SGMS1: variants seen among roughly 807,000 people sequenced by gnomAD.
The protein encoded by SGMS1 is phosphatidylcholine:ceramide cholinephosphotransferase 1.
A neutral mutation model predicts 46.2 loss-of-function variants in SGMS1; 13 were observed. The ratio of observed to expected loss-of-function variants is 0.28; its 90% CI spans 0.18 to 0.45. The LOEUF is 0.45. Among genes scored for constraint, SGMS1 ranks in the 20% least tolerant of loss-of-function variants. The pLI is 1.00. For missense variants in SGMS1, 324 were observed against 519.9 expected (o/e 0.62, Z 3.66); for synonymous variants, 203 against 187.8 (o/e 1.08, Z -0.66).
intron 3 of SGMS1, among the ~76,000 whole-genome samples, chr10:50,516,702 G>A (rs1482850094): frequency 1.3e-5 from 2 of 152,156 alleles, no homozygotes; most frequent in African/African-American, 4.8e-5. Context: ...GTAATAAATT[G>A]ATAAAGAGTA....
At chr10:50,375,926 G>A (rs1019230036) in intron 6 of SGMS1, among the ~76,000 whole-genome samples, 15 of 152,240 alleles carry the variant, frequency 9.9e-5, no homozygotes, top group African/African-American at 3.4e-4. Context: ...CAAACTCCTG[G>A]ATTCAAGCAA....
In SGMS1 at chr10:50,346,220, T is replaced by C. The variant is rs565188532; in HGVS notation, c.-231-1875A>G. ...GTCGATATTTAACTAAGAAATCATA[T>C]GTGAAAGTTCATGAAACATAACCTA... is the stretch of plus-strand genomic sequence containing the variant. On this transcript the variant is annotated intron_variant, in intron 6 of 10. Transcript: ENST00000361781. Among the ~76,000 whole-genome samples, 73 of 152,336 alleles carry C rather than the reference T, an allele frequency of 4.8e-4. 1 individual carries two copies. The highest frequency in any genetic ancestry group is 6.8e-3 in the Middle Eastern group (2 of 294).
chr10:50,607,981 C>T (rs1211147266), intron 1 of SGMS1, among the ~76,000 whole-genome samples: 1 of 152,164 alleles, frequency 6.6e-6, no homozygotes, highest in Non-Finnish European at 1.5e-5. Context: ...CAACATCCAC[C>T]CAGTATCACA....
At position 50,516,992 on chromosome 10, in the gene SGMS1, G is replaced by A. The variant is rs552246566; in HGVS notation, c.-498+2839C>T. Among the ~76,000 whole-genome samples the A allele has an allele frequency of 1.3e-4, 20 of 152,254 alleles. No homozygotes were observed. The South Asian group carries it at 2.3e-3, about 17-fold the overall frequency. On this transcript the variant is annotated intron_variant, in intron 3 of 10. Coordinates refer to ENST00000361781, the MANE Select transcript of SGMS1 (RefSeq NM_147156.4). ...GGTAACTATGAATACCAGCAATGGGGTGGGGCAACTAGACATCCAAGTTTC... is the reference window on the plus strand; with the variant it reads ...GGTAACTATGAATACCAGCAATGGGATGGGGCAACTAGACATCCAAGTTTC...
At chr10:50,512,492 C>T (rs1017148611) in intron 3 of SGMS1, among the ~76,000 whole-genome samples, 1 of 152,118 alleles carries the variant, frequency 6.6e-6, no homozygotes, top group African/African-American at 2.4e-5. Context: ...AGATCAAGGA[C>T]GTCAACTCAC....
intron 7 of SGMS1, chr10:50,342,416 C>G (rs1361334449): frequency 2.6e-5 from 4 of 152,158 alleles, no homozygotes; most frequent in African/African-American, 9.7e-5. Flanking sequence ...TTTCTTTATA[C>G]CAGTTAAGAC....
At chr10:50,591,961 T>C (rs1838545715) in intron 1 of SGMS1, among the ~76,000 whole-genome samples, 1 of 152,180 alleles carries the variant, frequency 6.6e-6, no homozygotes, top group Non-Finnish European at 1.5e-5. Flanking sequence ...AGAAAGCCAG[T>C]CTGGAACCCC....
chr10:50,449,242 G>C (rs7893281), intron 5 of SGMS1, among the ~76,000 whole-genome samples: 45,208 of 152,030 alleles, frequency 0.3, 7,318 homozygotes, highest in East Asian at 0.63. Context: ...ACCTGCCTAT[G>C]TATTATTTTT....
At chr10:50,341,529 AT>A in intron 7 of SGMS1, 1 of 439,304 alleles carries the variant, frequency 2.3e-6, no homozygotes, top group Non-Finnish European at 4.6e-6. Flanking sequence ...TAATTGGCCC[AT>A]CCAATTATGT....
Position 50,609,067 on chromosome 10 carries a change from C to T in SGMS1, c.-684+14640G>A, listed in dbSNP as rs527853613. ...AGGTGCAACCTCTGCTCACTGAAGC[C>T]TCAACCTCCCAGGCTCAAGCGATCC... On this transcript the variant is annotated intron_variant, in intron 1 of 10. Coordinates refer to ENST00000361781, the MANE Select transcript of SGMS1 (RefSeq NM_147156.4). Among the ~76,000 whole-genome samples, 3 of 152,232 alleles carry T rather than the reference C, an allele frequency of 2.0e-5. No individual in the cohort carries two copies. In the East Asian group the frequency reaches 5.8e-4, roughly 29 times the overall value.
chr10:50,577,545 T>C (rs1838396313), intron 2 of SGMS1, among the ~76,000 whole-genome samples: 2 of 152,192 alleles, frequency 1.3e-5, no homozygotes, highest in South Asian at 4.1e-4. Flanking sequence ...ATCTCTGCAG[T>C]ACTGTCCTTC....
intron 3 of SGMS1, among the ~76,000 whole-genome samples, chr10:50,512,996 T>C (rs1056134731): frequency 2.0e-5 from 3 of 152,148 alleles, no homozygotes; most frequent in African/African-American, 7.2e-5. Flanking sequence ...CAAAATGAAG[T>C]AGGGACATCC....
intron 3 of SGMS1, among the ~76,000 whole-genome samples, chr10:50,496,242 G>T (rs1194641949): frequency 6.6e-6 from 1 of 152,140 alleles, no homozygotes; most frequent in Admixed American, 6.5e-5. Context: ...TTCTTTAATG[G>T]CTCTAAATGT....
intron 8 of SGMS1, among the ~76,000 whole-genome samples, chr10:50,325,570 AT>A (rs1247634901): frequency 4.6e-5 from 7 of 152,226 alleles, no homozygotes; most frequent in Non-Finnish European, 7.3e-5. Flanking sequence ...TAGGCAAAGA[AT>A]TTTGGTTAGA....
intron 3 of SGMS1, among the ~76,000 whole-genome samples, chr10:50,490,409 C>T (rs535436249): frequency 6.6e-5 from 10 of 152,242 alleles, no homozygotes; most frequent in South Asian, 6.2e-4. Context: ...CATTTTTAGA[C>T]GGCCCAGTCA....
intron 6 of SGMS1, among the ~76,000 whole-genome samples, chr10:50,349,600 T>C (rs1847971065): frequency 6.6e-6 from 1 of 152,234 alleles, no homozygotes; most frequent in South Asian, 2.1e-4. Context: ...CCCATTCTCC[T>C]CATGTGTTGT....
chr10:50,355,483 C>T (rs906146614), intron 6 of SGMS1, among the ~76,000 whole-genome samples: 7 of 152,186 alleles, frequency 4.6e-5, no homozygotes, highest in South Asian at 2.1e-4. Flanking sequence ...CCGTGTTGGC[C>T]GGGCTGGTCT....
At chr10:50,580,990 C>A (rs1408940776) in intron 2 of SGMS1, among the ~76,000 whole-genome samples, 1 of 152,150 alleles carries the variant, frequency 6.6e-6, no homozygotes, top group East Asian at 1.9e-4. Context: ...TCACCACACC[C>A]CACCCCCAGA....
intron 5 of SGMS1, among the ~76,000 whole-genome samples, chr10:50,436,167 C>G (rs1203010735): frequency 6.6e-6 from 1 of 152,098 alleles, no homozygotes; most frequent in Non-Finnish European, 1.5e-5. Context: ...TGCAGTGGCA[C>G]TATCTCGGCT....
Sources: allele counts gnomAD v4.1 joint callset (sites outside exome capture counted in the v4.1 genomes callset), GRCh38; gene constraint gnomAD v4.1.1; transcripts MANE v1.5; gene names NCBI Gene and HGNC (gene_info 2026-07-23, HGNC 2026-07-21).